GRM8: variants seen among roughly 807,000 people sequenced by gnomAD.
The protein encoded by GRM8 is glutamate metabotropic receptor 8, also known as metabotropic glutamate receptor 8.
GRM8 carries 47 observed loss-of-function variants against 87.2 expected under a neutral mutation model. The ratio of observed to expected loss-of-function variants is 0.54; its 90% CI spans 0.43 to 0.69. The LOEUF (loss-of-function observed/expected upper bound fraction) is 0.69, where lower values mean the gene tolerates loss of function less well. Among genes scored for constraint, GRM8 ranks in the 30% least tolerant of loss-of-function variants. The pLI, the probability that GRM8 is intolerant of heterozygous loss-of-function variation, is 0.00. For synonymous variants in GRM8, 396 were observed against 404.5 expected, an observed-to-expected ratio of 0.98 and a Z score of 0.25; for missense variants, 1,019 against 1,139.2, an observed-to-expected ratio of 0.89 and a Z score of 1.52.
chr7:126,825,853 A>C (rs1300500562), intron 6 of GRM8, among the ~76,000 whole-genome samples: 1 of 151,474 alleles, frequency 6.6e-6, no homozygotes, highest in East Asian at 2.0e-4. Flanking sequence ...TATATCTCCT[A>C]ATGCTATCCC....
intron 2 of GRM8, among the ~76,000 whole-genome samples, chr7:127,182,494 G>A (rs1386315530): frequency 6.6e-6 from 1 of 152,010 alleles, no homozygotes; most frequent in Admixed American, 6.6e-5. Flanking sequence ...CCACTACTGG[G>A]TATCTAGCCA....
intron 2 of GRM8, among the ~76,000 whole-genome samples, chr7:127,194,824 A>G (rs1795199766): frequency 6.6e-6 from 1 of 152,296 alleles, no homozygotes; most frequent in African/African-American, 2.4e-5. Context: ...GAGACTTTAT[A>G]TCAAAAGGAT....
At chr7:127,026,599 G>A (rs1182323147) in intron 3 of GRM8, among the ~76,000 whole-genome samples, 1 of 152,170 alleles carries the variant, frequency 6.6e-6, no homozygotes, top group African/African-American at 2.4e-5. Context: ...CTGATGACCA[G>A]TGATGATGAG....
chr7:127,190,753 TAA>T (rs917483455), intron 2 of GRM8, among the ~76,000 whole-genome samples: 1 of 152,178 alleles, frequency 6.6e-6, no homozygotes, highest in African/African-American at 2.4e-5. Flanking sequence ...GTAACCAAAC[TAA>T]AAGACAGTGC....
chr7:127,230,147 C>G (rs1228979237), intron 2 of GRM8, among the ~76,000 whole-genome samples: 1 of 146,094 alleles, frequency 6.8e-6, no homozygotes, highest in Admixed American at 6.8e-5. Context: ...TTTAGCTGTT[C>G]TACAATGCTG....
At chr7:127,052,390 A>T (rs1216528013) in intron 3 of GRM8, among the ~76,000 whole-genome samples, 2 of 152,200 alleles carry the variant, frequency 1.3e-5, no homozygotes, top group Non-Finnish European at 2.9e-5. Flanking sequence ...TGTCTACCTT[A>T]ATAGCCCCTT....
chr7:127,041,355 T>C (rs1000923154), intron 3 of GRM8, among the ~76,000 whole-genome samples: 1 of 152,196 alleles, frequency 6.6e-6, no homozygotes, highest in South Asian at 2.1e-4. Context: ...CTGAAATATA[T>C]GACATATGGG....
At chr7:126,919,658 C>T (rs1804304546) in intron 3 of GRM8, among the ~76,000 whole-genome samples, 1 of 151,968 alleles carries the variant, frequency 6.6e-6, no homozygotes, top group African/African-American at 2.4e-5. Flanking sequence ...ATGAAGACAA[C>T]AATGGCTTCC....
At chr7:126,635,264 T>C (rs2299485) in intron 7 of GRM8, among the ~76,000 whole-genome samples, 46,809 of 152,084 alleles carry the variant, frequency 0.31, 8,082 homozygotes, top group East Asian at 0.43. Context: ...AGTTGACATT[T>C]CATTTTCTTC....
At position 126,987,532 on chromosome 7, in the gene GRM8, C is replaced by T. The variant is rs17866397; in HGVS notation, c.728-82849G>A. 9.4e-3 allele frequency among the ~76,000 whole-genome samples: 1,429 copies of T among 152,084 alleles called. 29 individuals are homozygous for T. Among genetic ancestry groups the T allele is most frequent in the African/African-American group, 0.033 (1,359 of 41,460 alleles). On this transcript the variant is annotated intron_variant, in intron 3 of 10. Coordinates refer to ENST00000339582, the MANE Select transcript of GRM8 (RefSeq NM_000845.3). ...CTGGAGTGCAGTGGTGCAATCTCGG[C>T]TTACTGCAAGCTCCGCCTCCCAGGT...
At chr7:126,680,853 C>T in intron 7 of GRM8, among the ~76,000 whole-genome samples, 1 of 152,094 alleles carries the variant, frequency 6.6e-6, no homozygotes, top group East Asian at 1.9e-4. Context: ...TTTCAGAAGC[C>T]CCTGAAGTGT....
At chr7:126,714,765 C>T (rs1811528924) in intron 7 of GRM8, among the ~76,000 whole-genome samples, 2 of 151,954 alleles carry the variant, frequency 1.3e-5, no homozygotes, top group Non-Finnish European at 2.9e-5. Flanking sequence ...CTGCTGTTGA[C>T]CAGAAGCCTT....
intron 3 of GRM8, among the ~76,000 whole-genome samples, chr7:126,936,169 G>T (rs993722964): frequency 6.6e-6 from 1 of 152,172 alleles, no homozygotes; most frequent in Non-Finnish European, 1.5e-5. Flanking sequence ...GTGGTTGGCT[G>T]AAAGGAACTC....
At chr7:126,776,370 G>T (rs1819475065) in intron 6 of GRM8, among the ~76,000 whole-genome samples, 2 of 152,038 alleles carry the variant, frequency 1.3e-5, no homozygotes, top group South Asian at 2.1e-4. Flanking sequence ...AACAACTCAG[G>T]GTTCTGATGC....
At chr7:126,896,675 G>A (rs1801571280) in intron 6 of GRM8, among the ~76,000 whole-genome samples, 1 of 152,128 alleles carries the variant, frequency 6.6e-6, no homozygotes, top group South Asian at 2.1e-4. Flanking sequence ...CTGCTATTTG[G>A]TTCACTGACA....
chr7:127,244,502 A>G (rs1355059712), intron 1 of GRM8, among the ~76,000 whole-genome samples: 1 of 152,226 alleles, frequency 6.6e-6, no homozygotes, highest in Non-Finnish European at 1.5e-5. Flanking sequence ...AACTGACTTA[A>G]CACAGGGAAT....
intron 9 of GRM8, among the ~76,000 whole-genome samples, chr7:126,531,793 G>A (rs541440769): frequency 1.3e-4 from 20 of 152,322 alleles, no homozygotes; most frequent in Admixed American, 1.3e-3. Flanking sequence ...ATACTAATGA[G>A]CTTTCTGTCC....
At chr7:127,124,710 C>T (rs978061083) in intron 2 of GRM8, among the ~76,000 whole-genome samples, 1 of 152,086 alleles carries the variant, frequency 6.6e-6, no homozygotes, top group Admixed American at 6.6e-5. Context: ...ACCTTAAATT[C>T]AACATGATCA....
At chr7:127,090,467 A>T (rs1000791785) in intron 3 of GRM8, among the ~76,000 whole-genome samples, 4 of 152,192 alleles carry the variant, frequency 2.6e-5, no homozygotes, top group African/African-American at 9.7e-5. Context: ...AAAGAGGAAT[A>T]ATATATTCAT....
Sources: gnomAD v4.1 joint callset for allele counts (sites outside exome capture counted in the v4.1 genomes callset) on GRCh38, gnomAD v4.1.1 for gene constraint, MANE v1.5 for transcripts, NCBI Gene and HGNC (gene_info 2026-07-23, HGNC 2026-07-21) for gene names.